MCTP2: variants seen among roughly 807,000 people sequenced by gnomAD.
MCTP2 encodes multiple C2 and transmembrane domain containing 2.
Under a neutral mutation model 111.6 loss-of-function variants are expected in MCTP2, and 132 were observed. The observed-to-expected ratio is 1.18, with a 90% confidence interval of 1.03 to 1.37. MCTP2 has a LOEUF of 1.37. Among genes scored for constraint, MCTP2 ranks in the 40% most tolerant of loss-of-function variants. The pLI is 0.00. For synonymous variants in MCTP2, 395 were observed against 387.7 expected (o/e 1.02, Z -0.22); for missense variants, 1,183 against 1,067.9 (o/e 1.11, Z -1.50).
chr15:94,399,878 C>G (rs1434818531), intron 15 of MCTP2, 43 bp from the exon 16 acceptor site: 1 of 1,535,528 alleles, frequency 6.5e-7, no homozygotes, highest in East Asian at 2.2e-5. Flanking sequence ...TGGATGAAGT[C>G]CCTATACATG....
chr15:94,412,167 T>C (rs544449658), intron 17 of MCTP2, among the ~76,000 whole-genome samples: 6 of 152,308 alleles, frequency 3.9e-5, no homozygotes, highest in African/African-American at 1.4e-4. Flanking sequence ...CTCATTTGTT[T>C]GAATAGAGGA....
Position 94,298,839 on chromosome 15 carries a change from T to TCA in MCTP2, c.465+110_465+111insAC, listed in dbSNP as rs1282191990. 1,066 of 406,772 alleles carry TCA rather than the reference T, an allele frequency of 2.6e-3. 45 individuals carry two copies. In the African/African-American group the frequency reaches 0.051, roughly 19 times the overall value. 25.2% of individuals were successfully genotyped at this position (406,772 alleles called of 1,614,324 possible). ...CTCTCTCTTCCCCCCTCCCCCTCCC[T>TCA]CTCTCTTCCCCCCTCCCCCTCCCTC... On this transcript the variant is annotated intron_variant, in intron 2 of 22. Coordinates refer to ENST00000357742, the MANE Select transcript of MCTP2 (RefSeq NM_001385001.1).
In MCTP2 at chr15:94,460,221, C is replaced by A. The variant is rs527348270; in HGVS notation, c.2360+1975C>A. Among the ~76,000 whole-genome samples the A allele has an allele frequency of 5.3e-5, 8 of 152,098 alleles. No individual in the cohort carries two copies. In the East Asian group the frequency reaches 1.5e-3, roughly 29 times the overall value. On this transcript the variant is annotated intron_variant, in intron 20 of 22. Coordinates refer to ENST00000357742, the MANE Select transcript of MCTP2 (RefSeq NM_001385001.1). ...GAAGAGATGTAGGAGAAAGACAGAC[C>A]GCAGGCAATTCTGAAACAGAAGAAA...
chr15:94,317,350 G>C (rs182241538), intron 4 of MCTP2, among the ~76,000 whole-genome samples: 2 of 152,086 alleles, frequency 1.3e-5, no homozygotes, highest in Admixed American at 1.3e-4. Context: ...GAGGAGAGCC[G>C]GGGCATGCTG....
chr15:94,461,632 G>A (rs2085216679), intron 20 of MCTP2, among the ~76,000 whole-genome samples: 1 of 152,160 alleles, frequency 6.6e-6, no homozygotes, highest in African/African-American at 2.4e-5. Flanking sequence ...GAGATTAAGG[G>A]AGACCTAGAA....
chr15:94,367,741 G>A lies in MCTP2; in HGVS notation c.1438G>A (p.Val480Ile), dbSNP rs1297389210. The A allele has an allele frequency of 6.2e-7, 1 of 1,608,674 alleles. No homozygotes were observed. The highest frequency in any genetic ancestry group is 1.7e-5 in the Admixed American group (1 of 59,092). The change falls in exon 11 of 23, where the codon GTC becomes ATC. Residue 480 changes from valine (V) to isoleucine (I), a missense_variant. Coordinates refer to ENST00000357742, the MANE Select transcript of MCTP2 (RefSeq NM_001385001.1). The stretch of plus-strand genomic sequence containing the variant: ...GGGGGTCTCCGTCTCTGATCTGTGT[G>A]TCTGCCCCTTAGCAGACCTCAGCGA... Reference protein sequence around the residue: ...CAGVSVSDLCVCPLADLSERK... With the variant: ...CAGVSVSDLCICPLADLSERK...
intron 12 of MCTP2, among the ~76,000 whole-genome samples, chr15:94,380,448 T>C (rs2080069236): frequency 1.3e-5 from 2 of 152,154 alleles, no homozygotes; most frequent in African/African-American, 2.4e-5. Flanking sequence ...GCTAGGAACA[T>C]TTATTAAGCT....
intron 19 of MCTP2, among the ~76,000 whole-genome samples, chr15:94,457,556 G>A (rs1386423752): frequency 6.6e-6 from 1 of 152,174 alleles, no homozygotes; most frequent in African/African-American, 2.4e-5. Flanking sequence ...AGTGCACTGT[G>A]GGGTTACTTT....
chr15:94,358,224 T>A (rs1384634164), intron 9 of MCTP2, among the ~76,000 whole-genome samples: 1 of 152,182 alleles, frequency 6.6e-6, no homozygotes, highest in Non-Finnish European at 1.5e-5. Flanking sequence ...TAATTTATGG[T>A]TTCCTGTGAG....
At chr15:94,398,717 A>G (rs374939641) in intron 14 of MCTP2, among the ~76,000 whole-genome samples, 1 of 152,184 alleles carries the variant, frequency 6.6e-6, no homozygotes, top group African/African-American at 2.4e-5. Context: ...GATTTGCACC[A>G]ATATTTTTCA....
intron 1 of MCTP2, among the ~76,000 whole-genome samples, chr15:94,288,640 A>T (rs901255715): frequency 2.0e-5 from 3 of 152,234 alleles, no homozygotes; most frequent in Non-Finnish European, 4.4e-5. Flanking sequence ...TGTCCAAGGT[A>T]TAATTTATAT....
intron 4 of MCTP2, among the ~76,000 whole-genome samples, chr15:94,317,762 G>A (rs941498728): frequency 1.3e-5 from 2 of 152,118 alleles, no homozygotes; most frequent in African/African-American, 2.4e-5. Flanking sequence ...TCATCTTTCA[G>A]AACTGTATGA....
rs115610873 is a variant in MCTP2 at position 94,262,065 on chromosome 15, C to T, written c.-66+30401C>T. On this transcript the variant is annotated intron_variant, in intron 1 of 22. Coordinates refer to ENST00000357742, the MANE Select transcript of MCTP2 (RefSeq NM_001385001.1). ...CCTTCTAATTATTGTCTTTACACATCACAGCAGTATAATCTACTGTAGTCT... is the reference window on the plus strand; with the variant it reads ...CCTTCTAATTATTGTCTTTACACATTACAGCAGTATAATCTACTGTAGTCT... Among the ~76,000 whole-genome samples, 630 of 152,202 alleles carry T rather than the reference C, an allele frequency of 4.1e-3. 7 individuals are homozygous for T. The highest frequency in any genetic ancestry group is 0.013 in the African/African-American group (526 of 41,542).
At chr15:94,384,209 A>T in intron 13 of MCTP2, 85 bp downstream of exon 13, 1 of 814,146 alleles carries the variant, frequency 1.2e-6, no homozygotes, top group Non-Finnish European at 2.0e-6. Context: ...GTCCATTTTT[A>T]TGGGCAAAGA....
At chr15:94,398,889 A>G in intron 14 of MCTP2, 72 bp from the exon 15 acceptor site, 1 of 865,776 alleles carries the variant, frequency 1.2e-6, no homozygotes, top group Non-Finnish European at 1.9e-6. Flanking sequence ...TGCCAAAGTT[A>G]GTTTTGGTTA....
intron 16 of MCTP2, 42 bp from the exon 17 acceptor site, chr15:94,401,858 G>A (rs767049662): frequency 2.0e-6 from 3 of 1,510,600 alleles, no homozygotes; most frequent in African/African-American, 1.4e-5. Context: ...AATATTTGTA[G>A]TATTTAAATC....
chr15:94,293,748 T>C (rs1191216621), intron 1 of MCTP2, among the ~76,000 whole-genome samples: 1 of 152,232 alleles, frequency 6.6e-6, no homozygotes, highest in Non-Finnish European at 1.5e-5. Context: ...ACTGGAATTC[T>C]CATAATTGTT....
At chr15:94,313,554 A>G (rs192131818) in intron 2 of MCTP2, among the ~76,000 whole-genome samples, 30 of 152,072 alleles carry the variant, frequency 2.0e-4, no homozygotes, top group African/African-American at 7.2e-4. Flanking sequence ...TACAAAAATT[A>G]TCCAGGCGTT....
At chr15:94,366,601 G>A (rs537399594) in intron 10 of MCTP2, among the ~76,000 whole-genome samples, 2 of 152,112 alleles carry the variant, frequency 1.3e-5, no homozygotes, top group African/African-American at 4.8e-5. Context: ...TGACAGCTTA[G>A]GGTAAGAATC....
Sources: allele counts gnomAD v4.1 joint callset (sites outside exome capture counted in the v4.1 genomes callset), GRCh38; gene constraint gnomAD v4.1.1; transcripts MANE v1.5; gene names NCBI Gene and HGNC (gene_info 2026-07-23, HGNC 2026-07-21).